BCOR: variants seen among roughly 807,000 people sequenced by gnomAD.
The protein encoded by BCOR is BCL-6 corepressor.
BCOR carries 10 observed loss-of-function variants against 86.7 expected under a neutral mutation model. The ratio of observed to expected loss-of-function variants is 0.12; its 90% CI spans 0.07 to 0.20. BCOR has a LOEUF of 0.20. BCOR is among the 10% of genes least tolerant of loss of function. BCOR has a pLI of 1.00. For synonymous variants in BCOR, 611 were observed against 609.0 expected (o/e 1.00, Z -0.05); for missense variants, 1,259 against 1,452.1 (o/e 0.87, Z 2.16).
intron 1 of BCOR, among the ~76,000 whole-genome samples, chrX:40,169,419 A>ATGG (rs1938572417): frequency 8.9e-6 from 1 of 112,094 alleles, no homozygotes; most frequent in Non-Finnish European, 1.9e-5. Flanking sequence ...AATTGTCGAA[A>ATGG]TCGGCCAACC....
intron 2 of BCOR, chrX:40,077,238 A>T (rs773643545): frequency 6.9e-6 from 1 of 144,525 alleles, no homozygotes; most frequent in Non-Finnish European, 1.3e-5. Context: ...CCAACTTCCA[A>T]ATCCCCAGGA....
upstream of BCOR, among the ~76,000 whole-genome samples, chrX:40,098,320 G>GC (rs1450300728): frequency 2.8e-5 from 3 of 108,425 alleles, no homozygotes; most frequent in Admixed American, 9.6e-5. Flanking sequence ...CTTGGGTGGC[G>GC]CCCCCCCTCC....
chrX:40,052,426 T>C, intron 14 of BCOR, 26 bp from the exon 15 acceptor site: 1 of 1,201,122 alleles, frequency 8.3e-7, no homozygotes, highest in Non-Finnish European at 1.1e-6. Flanking sequence ...GAAAATGCTT[T>C]GAGTTTCCAG....
intron 6 of BCOR, among the ~76,000 whole-genome samples, chrX:40,069,814 T>C (rs998756057): frequency 8.0e-5 from 9 of 112,251 alleles, no homozygotes; most frequent in African/African-American, 2.9e-4. Context: ...AGCCACTCTT[T>C]GAGGAAGAGT....
chrX:40,107,239 G>A (rs1290767784), intron 1 of BCOR, among the ~76,000 whole-genome samples: 1 of 111,830 alleles, frequency 8.9e-6, no homozygotes, highest in Non-Finnish European at 1.9e-5. Context: ...GGAAAGGGTC[G>A]GGTCAGAAAC....
intron 1 of BCOR, among the ~76,000 whole-genome samples, chrX:40,088,899 C>T (rs113829377): frequency 0.07 from 7,789 of 111,694 alleles, 642 homozygotes; most frequent in African/African-American, 0.24. Context: ...ACCTAGATGA[C>T]GGTTCTGAAA....
intron 6 of BCOR, 94 bp from the exon 7 acceptor site, chrX:40,064,693 G>A (rs1935113850): frequency 6.0e-6 from 6 of 1,005,261 alleles, no homozygotes; most frequent in African/African-American, 1.9e-5. Flanking sequence ...CATGCCCAAG[G>A]TAATCTGCTA....
At chrX:40,131,727 C>T (rs1043324162) in intron 1 of BCOR, among the ~76,000 whole-genome samples, 1 of 111,568 alleles carries the variant, frequency 9.0e-6, no homozygotes, top group Non-Finnish European at 1.9e-5. Flanking sequence ...CAACTGCAAG[C>T]GACTGGAGAC....
rs778509267 is a variant in BCOR, at chrX:40,073,769, G to A, written c.1577C>T (p.Ser526Leu). 5.8e-6 allele frequency: 7 copies of A among 1,211,807 alleles called. No homozygotes were observed. In the African/African-American group the frequency reaches 8.7e-5, roughly 15 times the overall value. ...PNEENNGKSM[S>L]LKNKALDWAI... ...CCAGTCCAATGCCTTGTTTTTCAGC[G>A]ACATGCTTTTGCCATTGTTCTCTTC... is the stretch of plus-strand genomic sequence containing the variant. The change falls in exon 4 of 15, where the codon TCG becomes TTG. Residue 526 changes from serine (S) to leucine (L), a missense_variant. Around this residue, in one of 7 missense-constraint regions of BCOR, gnomAD observed 534 missense variants for 594.8 expected, o/e 0.90. Transcript: ENST00000378444.
intron 12 of BCOR, 121 bp downstream of exon 12, chrX:40,055,247 C>A: frequency 1.4e-6 from 1 of 720,731 alleles, no homozygotes. Flanking sequence ...CACTCGGCTG[C>A]TCTCCTAAAA....
At chrX:40,137,198 T>G (rs111989308) in intron 1 of BCOR, among the ~76,000 whole-genome samples, 1,174 of 112,424 alleles carry the variant, frequency 0.01, 14 homozygotes, top group African/African-American at 0.036. Context: ...TCAGATATTA[T>G]AGCCGTCAAA....
intron 1 of BCOR, among the ~76,000 whole-genome samples, chrX:40,093,000 C>T (rs1024353978): frequency 8.9e-6 from 1 of 112,280 alleles, no homozygotes; most frequent in African/African-American, 3.2e-5. Context: ...CATATGAATG[C>T]TTTTTGTGTT....
At position 40,131,014 on chromosome X, in the gene BCOR, GGTC is replaced by G. The variant is rs756937115; in HGVS notation, c.-41+45990_-41+45992del. Among the ~76,000 whole-genome samples the G allele has an allele frequency of 9.8e-5, 11 of 111,744 alleles. 1 individual carries two copies. The South Asian group carries it at 3.0e-3, about 30-fold the overall frequency. On this transcript the variant is annotated intron_variant, in intron 1 of 14. Coordinates refer to the BCOR transcript ENST00000342274. Reference sequence around the variant, plus strand: ...TCCAGACCTGAGGTGAAGAAAGCAAGGTCAGAGAAGGGGCCCACTCATGACCGT... The same window carrying G: ...TCCAGACCTGAGGTGAAGAAAGCAAGAGAGAAGGGGCCCACTCATGACCGT...
intron 1 of BCOR, among the ~76,000 whole-genome samples, chrX:40,113,922 G>A (rs1364527823): frequency 1.8e-5 from 2 of 110,236 alleles, no homozygotes; most frequent in Admixed American, 9.7e-5. Context: ...GGGTTCAAGT[G>A]ATTCTGCTGC....
intron 1 of BCOR, among the ~76,000 whole-genome samples, chrX:40,153,054 G>C (rs769047559): frequency 8.8e-6 from 1 of 113,290 alleles, no homozygotes; most frequent in Non-Finnish European, 1.9e-5. Context: ...GCCAAGTGGC[G>C]CCTGCCCAGC....
intron 1 of BCOR, among the ~76,000 whole-genome samples, chrX:40,175,335 GGCCCGGGCCCGGCGGCC>G (rs1163047933): frequency 8.8e-6 from 1 of 113,509 alleles, no homozygotes; most frequent in Non-Finnish European, 1.9e-5. Context: ...GGATTTTCGC[GGCCCGGGCCCGGCGGCC>G]GCCCAGCGCC....
At chrX:40,152,159 A>G (rs748912375) in intron 1 of BCOR, among the ~76,000 whole-genome samples, 2 of 110,794 alleles carry the variant, frequency 1.8e-5, no homozygotes, top group South Asian at 7.7e-4. Context: ...CCAAGTCACT[A>G]GAGTATTTGT....
chrX:40,080,636 G>A (rs752759190), intron 1 of BCOR, among the ~76,000 whole-genome samples: 2 of 111,092 alleles, frequency 1.8e-5, no homozygotes, highest in Non-Finnish European at 3.8e-5. Context: ...AGGTGACTGC[G>A]GTTTACAGGC....
chrX:40,141,342 C>T (rs757215596), intron 1 of BCOR, among the ~76,000 whole-genome samples: 8 of 112,763 alleles, frequency 7.1e-5, no homozygotes, highest in African/African-American at 2.6e-4. Context: ...ACAGCTCTCT[C>T]TTAGTGTTTA....
Sources: gnomAD v4.1 joint callset for allele counts (sites outside exome capture counted in the v4.1 genomes callset) on GRCh38, gnomAD v4.1.1 for gene constraint, gnomAD v4.1.1 regional missense constraint, MANE v1.5 for transcripts, NCBI Gene and HGNC (gene_info 2026-07-23, HGNC 2026-07-21) for gene names.